The following KLHL31 variants were observed in gnomAD, a reference collection of about 807,000 sequenced individuals.
The protein encoded by KLHL31 is kelch-like protein 31.
Under a neutral mutation model 47.1 loss-of-function variants are expected in KLHL31, and 32 were observed. That is an observed-to-expected ratio of 0.68 (90% CI 0.51 to 0.91). The LOEUF is 0.91. Among genes scored for constraint, KLHL31 ranks in the 40% least tolerant of loss-of-function variants. The pLI, the probability that KLHL31 is intolerant of heterozygous loss-of-function variation, is 0.00. For missense variants in KLHL31, 797 were observed against 819.3 expected (o/e 0.97, Z 0.33); for synonymous variants, 330 against 325.1 (o/e 1.01, Z -0.16).
chr6:53,654,878 T>G lies in KLHL31; in HGVS notation c.395A>C (p.Lys132Thr). 6 of 1,614,186 alleles carry G rather than the reference T, an allele frequency of 3.7e-6. No individual in the cohort carries two copies. The highest frequency in any genetic ancestry group is 5.1e-6 in the Non-Finnish European group (6 of 1,180,010). ...ATVIAYAYTG[K>T]LTLSLYTIGS... is the part of the protein sequence containing the mutation. ...TATTGTATACAAGGAGAGAGTGAGC[T>G]TTCCAGTGTAGGCATATGCAATGAC... Residue 132 changes from lysine (K) to threonine (T), a missense_variant, in exon 2 of 3, where the codon AAG becomes ACG. Coordinates refer to ENST00000370905, the MANE Select transcript of KLHL31 (RefSeq NM_001003760.5).
Position 53,655,193 on chromosome 6 carries a change from A to G in KLHL31, c.80T>C (p.Leu27Pro), listed in dbSNP as rs750911906. Reference sequence around the variant, plus strand: ...CCCATTCAAAGCATTCAGTTTGTTTAGGGGGCTATCTTCTACGATTATAGT... The same window carrying G: ...CCCATTCAAAGCATTCAGTTTGTTTGGGGGGCTATCTTCTACGATTATAGT... ...EMTIIVEDSP[L>P]NKLNALNGLL... The change falls in exon 2 of 3, where the codon CTA becomes CCA. Residue 27 changes from leucine to proline, a missense_variant. By Grantham distance (98) the Leu-to-Pro change is moderately conservative (BLOSUM62 -3). Transcript: ENST00000370905. 1.2e-6 allele frequency: 2 copies of G among 1,613,534 alleles called. No individual in the cohort carries two copies. The highest frequency in any genetic ancestry group is 1.1e-5 in the South Asian group (1 of 90,914).
intron 2 of KLHL31, among the ~76,000 whole-genome samples, 173 bp downstream of exon 2, chr6:53,653,928 T>C (rs1764512410): frequency 6.6e-6 from 1 of 152,180 alleles, no homozygotes; most frequent in Non-Finnish European, 1.5e-5. Flanking sequence ...AAAATATAAA[T>C]GAATGTACTT....
chr6:53,654,522 C>A lies in KLHL31; in HGVS notation c.751G>T (p.Ala251Ser). 6.2e-7 allele frequency: 1 copy of A among 1,614,138 alleles called. No individual in the cohort carries two copies. The highest frequency in any genetic ancestry group is 1.1e-5 in the South Asian group (1 of 91,070). The change falls in exon 2 of 3, where the codon GCT (alanine) becomes TCT (serine). Residue 251 changes from alanine to serine, a missense_variant. Physicochemically the swap from Ala to Ser is moderately conservative, Grantham distance 99. Transcript: ENST00000370905. The stretch of plus-strand genomic sequence containing the variant: ...CGAATATTGCTCAAAAGATCTGCAG[C>A]GTATTTTACTCTCTTTTGGTCAAAT... ...LEFDQKRVKY[A>S]ADLLSNIRFG...
rs570185016 is a variant in KLHL31, at chr6:53,661,829, C to A, written c.-34+3772G>T. On this transcript the variant is annotated intron_variant, in intron 1 of 2. Coordinates refer to ENST00000370905, the MANE Select transcript of KLHL31 (RefSeq NM_001003760.5). ...ATGTGGCTGTGAGGAAGAGGTGTTA[C>A]GAAAATGAGTTACATGTGTGTGTTC... 2.7e-4 allele frequency among the ~76,000 whole-genome samples: 41 copies of A among 152,248 alleles called. No individual in the cohort carries two copies. The East Asian group carries it at 7.7e-3, about 29-fold the overall frequency.
intron 2 of KLHL31, among the ~76,000 whole-genome samples, chr6:53,653,518 G>A (rs981480939): frequency 2.6e-5 from 4 of 152,002 alleles, no homozygotes; most frequent in Non-Finnish European, 4.4e-5. Context: ...TGAAGGATGT[G>A]TTTTACTCTT....
At chr6:53,665,192 T>C (rs1764701788) in intron 1 of KLHL31, among the ~76,000 whole-genome samples, 1 of 152,174 alleles carries the variant, frequency 6.6e-6, no homozygotes, top group Non-Finnish European at 1.5e-5. Flanking sequence ...GTTAAAATGA[T>C]TCTTGATAAA....
Position 53,651,603 on chromosome 6 carries a change from T to C in KLHL31, c.1900A>G (p.Ile634Val), listed in dbSNP as rs1160900451. ...GTCCCTGCATCTACCTGGGCTCAGA[T>C]ACTGACTGGCACAGAAGATACCGAA... Reference protein sequence around the residue: ...ASSVSSVPVSI With the variant: ...ASSVSSVPVSV The change falls in exon 3 of 3, where the codon ATC becomes GTC. Residue 634 changes from isoleucine to valine, a missense_variant. Ile to Val is a conservative substitution (Grantham distance 29, BLOSUM62 3). Coordinates refer to ENST00000370905, the MANE Select transcript of KLHL31 (RefSeq NM_001003760.5). 2.5e-6 allele frequency: 4 copies of C among 1,610,726 alleles called. No homozygotes were observed. Among genetic ancestry groups the C allele is most frequent in the Non-Finnish European group, 1.7e-6 (2 of 1,177,350 alleles).
At position 53,648,031 on chromosome 6, in the gene KLHL31, A is replaced by T. The variant is rs910738426; in HGVS notation, c.*3567T>A. 5.9e-5 allele frequency: 9 copies of T among 152,598 alleles called. No individual in the cohort carries two copies. Among genetic ancestry groups the T allele is most frequent in the Non-Finnish European group, 8.8e-5 (6 of 68,006 alleles). The allele number at this position is 152,598 out of a possible 1,614,324, so 9.5% of individuals were successfully genotyped here. A position where few individuals can be genotyped will look rare whatever the true frequency, so the allele number is the denominator to read the frequency against. On this transcript the variant is annotated 3_prime_UTR_variant, in exon 3 of 3. Coordinates refer to ENST00000370905, the MANE Select transcript of KLHL31 (RefSeq NM_001003760.5). ...CAGAATGTTTTAAGCAAAGAAAGAAATTTTTTTGCCAAAATTTGCTGAATA... is the reference window on the plus strand; with the variant it reads ...CAGAATGTTTTAAGCAAAGAAAGAATTTTTTTTGCCAAAATTTGCTGAATA...
intron 2 of KLHL31, among the ~76,000 whole-genome samples, chr6:53,653,475 A>G (rs576786390): frequency 6.6e-6 from 1 of 152,354 alleles, no homozygotes; most frequent in East Asian, 1.9e-4. Flanking sequence ...TCATAAATAT[A>G]TAAAATAATA....
chr6:53,654,508 C>T lies in KLHL31; in HGVS notation c.765G>A (p.Leu255=), dbSNP rs762310930. ...QKRVKYAADL[L]SNIRFGTISA... ...AGATGGTACCAAAGCGAATATTGCT[C>T]AAAAGATCTGCAGCGTATTTTACTC... is the stretch of plus-strand genomic sequence containing the variant. Residue 255 remains leucine (L), a synonymous_variant, in exon 2 of 3, where the codon TTG becomes TTA. Coordinates refer to ENST00000370905, the MANE Select transcript of KLHL31 (RefSeq NM_001003760.5). 6.2e-6 allele frequency: 10 copies of T among 1,614,038 alleles called. No homozygotes were observed. Among genetic ancestry groups the T allele is most frequent in the African/African-American group, 1.3e-5 (1 of 74,902 alleles).
rs772717067 is a variant in KLHL31, at chr6:53,651,068, T to C, written c.*530A>G. ...TCAAAATCCTTTACTCAATCACATA[T>C]GGGGGGAAAATTGCGTTGAAATACA... On this transcript the variant is annotated 3_prime_UTR_variant, in exon 3 of 3. Coordinates refer to ENST00000370905, the MANE Select transcript of KLHL31 (RefSeq NM_001003760.5). 6.6e-6 allele frequency: 1 copy of C among 152,224 alleles called. No individual in the cohort carries two copies. The highest frequency in any genetic ancestry group is 1.5e-5 in the Non-Finnish European group (1 of 68,104). The allele number at this position is 152,224 out of a possible 1,614,324, so 9.4% of individuals were successfully genotyped here. A position where few individuals can be genotyped will look rare whatever the true frequency, so the allele number is the denominator to read the frequency against.
In KLHL31 at chr6:53,647,997, A is replaced by G. The variant is rs1371147233; in HGVS notation, c.*3601T>C. 3 of 152,618 alleles carry G rather than the reference A, an allele frequency of 2.0e-5. No homozygotes were observed. The highest frequency in any genetic ancestry group is 7.2e-5 in the African/African-American group (3 of 41,442). 9.5% of individuals were successfully genotyped at this position (152,618 alleles called of 1,614,324 possible). A position where few individuals can be genotyped will look rare whatever the true frequency, so the allele number is the denominator to read the frequency against. On this transcript the variant is annotated 3_prime_UTR_variant, in exon 3 of 3. Coordinates refer to ENST00000370905, the MANE Select transcript of KLHL31 (RefSeq NM_001003760.5). ...CATACATTTTAGTTTGTTGTTCCTT[A>G]TATAGTACCAGAATGTTTTAAGCAA...
rs1412211843 is a variant in KLHL31, at chr6:53,654,721, TA to T, written c.551del (p.Leu184GlnfsTer26). ...YVVNIAETYS[L>X]KNAKAAAQKF... The stretch of plus-strand genomic sequence containing the variant: ...TCTGGGCTGCTGCTTTTGCATTTTT[TA>T]GGGAGTATGTTTCAGCAATATTAAC... On this transcript the variant is annotated frameshift_variant, in exon 2 of 3. Transcript: ENST00000370905. LOFTEE classifies it high-confidence loss of function. 2 of 1,614,100 alleles carry T rather than the reference TA, an allele frequency of 1.2e-6. No individual in the cohort carries two copies. The highest frequency in any genetic ancestry group is 2.7e-5 in the African/African-American group (2 of 74,944).
rs1300476892 is a variant in KLHL31, at chr6:53,654,405, C to T, written c.868G>A (p.Asp290Asn). The change falls in exon 2 of 3, where the codon GAT (aspartate) becomes AAT (asparagine). Residue 290 changes from aspartate (D) to asparagine (N), a missense_variant. Asp to Asn is a conservative substitution (Grantham distance 23, BLOSUM62 1). Transcript: ENST00000370905. The stretch of plus-strand genomic sequence containing the variant: ...GGAAGCAAGTGGTAGTTCATAGCAT[C>T]TACGAGAAGTCTGTGACAATCAGCA... The part of the protein sequence containing the change: ...QDADCHRLLV[D>N]AMNYHLLPYH... The T allele has an allele frequency of 6.2e-7, 1 of 1,614,118 alleles. No individual in the cohort carries two copies. Among genetic ancestry groups the T allele is most frequent in the African/African-American group, 1.3e-5 (1 of 74,930 alleles).
chr6:53,655,899 A>G (rs1344065642), intron 1 of KLHL31, among the ~76,000 whole-genome samples: 1 of 152,068 alleles, frequency 6.6e-6, no homozygotes, highest in East Asian at 1.9e-4. Flanking sequence ...GAGCCACTAT[A>G]CCCAACCAAC....
At chr6:53,658,379 T>G (rs1433918763) in intron 1 of KLHL31, among the ~76,000 whole-genome samples, 1 of 152,192 alleles carries the variant, frequency 6.6e-6, no homozygotes. Flanking sequence ...ACTGAAATTC[T>G]AAATACTCTG....
intron 1 of KLHL31, among the ~76,000 whole-genome samples, chr6:53,657,731 G>A (rs574625213): frequency 6.6e-6 from 1 of 151,096 alleles, no homozygotes; most frequent in South Asian, 2.1e-4. Flanking sequence ...TCAATTTGAT[G>A]GGTGGTGTAT....
intron 1 of KLHL31, among the ~76,000 whole-genome samples, chr6:53,661,629 G>T (rs564603708): frequency 6.6e-6 from 1 of 152,318 alleles, no homozygotes; most frequent in East Asian, 1.9e-4. Context: ...GCTAATAGAA[G>T]ATGGCTGGAA....
At chr6:53,660,604 A>G (rs1424723093) in intron 1 of KLHL31, among the ~76,000 whole-genome samples, 1 of 152,190 alleles carries the variant, frequency 6.6e-6, no homozygotes, top group East Asian at 1.9e-4. Flanking sequence ...ACTTGAGGCC[A>G]GGAGTTCAAG....
Sources: allele counts gnomAD v4.1 joint callset (sites outside exome capture counted in the v4.1 genomes callset), GRCh38; gene constraint gnomAD v4.1.1; transcripts MANE v1.5; gene names NCBI Gene and HGNC (gene_info 2026-07-23, HGNC 2026-07-21).